Variants in RAB3IP observed in about 807,000 individuals in gnomAD.
The protein encoded by RAB3IP is RAB3A interacting protein.
In RAB3IP, 36 loss-of-function variants were observed where a neutral mutation model predicts 59.1. The observed-to-expected ratio is 0.61, with a 90% confidence interval of 0.47 to 0.80. The LOEUF is 0.80. Among genes scored for constraint, RAB3IP ranks in the 30% least tolerant of loss-of-function variants. The pLI, the probability that RAB3IP is intolerant of heterozygous loss-of-function variation, is 0.00. For missense variants in RAB3IP, 511 were observed against 536.0 expected (o/e 0.95, Z 0.46); for synonymous variants, 207 against 191.2 (o/e 1.08, Z -0.68).
chr12:69,767,450 G>T (rs957366326), intron 3 of RAB3IP, among the ~76,000 whole-genome samples: 1 of 152,228 alleles, frequency 6.6e-6, no homozygotes, highest in African/African-American at 2.4e-5. Context: ...TGGTGAGAAC[G>T]ACTGGGCAAA....
At position 69,755,465 on chromosome 12, in the gene RAB3IP, T is replaced by C. The variant is rs775086944; in HGVS notation, c.57T>C (p.Ser19=). 6.2e-7 allele frequency: 1 copy of C among 1,614,142 alleles called. No homozygotes were observed. The highest frequency in any genetic ancestry group is 8.5e-7 in the Non-Finnish European group (1 of 1,180,010). The change falls in exon 2 of 11, where the codon TCT becomes TCC. Residue 19 remains serine (S), a synonymous_variant. Coordinates refer to ENST00000247833, the MANE Select transcript of RAB3IP (RefSeq NM_022456.5). ...FHEVNLASPT[S]PDLLGVYESG... ...AAGTAAACCTTGCTTCACCTACTTC[T>C]CCGGACCTTCTTGGTGTGTATGAAT...
intron 8 of RAB3IP, among the ~76,000 whole-genome samples, chr12:69,805,558 C>A (rs1466359778): frequency 2.6e-5 from 4 of 151,694 alleles, no homozygotes; most frequent in Non-Finnish European, 5.9e-5. Context: ...TGAGAGAGGG[C>A]ATCCCTGTCT....
chr12:69,813,961 T>C (rs554823681), intron 10 of RAB3IP, among the ~76,000 whole-genome samples: 2 of 152,290 alleles, frequency 1.3e-5, no homozygotes, highest in East Asian at 3.9e-4. Flanking sequence ...AAATCCCATA[T>C]AGTTGGATTT....
intron 1 of RAB3IP, among the ~76,000 whole-genome samples, chr12:69,747,080 C>G (rs1490090253): frequency 2.0e-5 from 3 of 152,036 alleles, no homozygotes; most frequent in Non-Finnish European, 4.4e-5. Context: ...AGCTTTTAAA[C>G]CCAAACTCAA....
chr12:69,791,454 A>G (rs1298321097), intron 4 of RAB3IP, among the ~76,000 whole-genome samples: 1 of 152,182 alleles, frequency 6.6e-6, no homozygotes, highest in Non-Finnish European at 1.5e-5. Context: ...TAATATCCAA[A>G]GTATATAAGG....
At chr12:69,773,238 A>T (rs2136179815) in intron 3 of RAB3IP, among the ~76,000 whole-genome samples, 1 of 151,752 alleles carries the variant, frequency 6.6e-6, no homozygotes, top group East Asian at 1.9e-4. Context: ...CTTGTCTTTG[A>T]TCTTTGAGAG....
intron 3 of RAB3IP, among the ~76,000 whole-genome samples, chr12:69,773,250 T>C (rs1592521006): frequency 6.6e-6 from 1 of 152,212 alleles, no homozygotes; most frequent in East Asian, 1.9e-4. Flanking sequence ...CTTTGAGAGC[T>C]TGATTATAAT....
chr12:69,802,395 A>G (rs998166099), intron 8 of RAB3IP, among the ~76,000 whole-genome samples: 3 of 152,168 alleles, frequency 2.0e-5, no homozygotes, highest in African/African-American at 7.2e-5. Flanking sequence ...AGAATTACAA[A>G]TCTTCAGAGA....
chr12:69,751,392 T>C (rs899717585), intron 1 of RAB3IP, among the ~76,000 whole-genome samples: 1 of 152,244 alleles, frequency 6.6e-6, no homozygotes. Flanking sequence ...CTGTGTTCTT[T>C]TTTTTGGAGG....
chr12:69,739,853 T>A, intron 1 of RAB3IP: 1 of 1,611,918 alleles, frequency 6.2e-7, no homozygotes, highest in African/African-American at 1.4e-5. Context: ...TGTTATGGGA[T>A]TAAAAAAGAT....
At chr12:69,770,550 C>T (rs933756692) in intron 3 of RAB3IP, among the ~76,000 whole-genome samples, 20 of 152,174 alleles carry the variant, frequency 1.3e-4, no homozygotes, top group Non-Finnish European at 4.4e-5. Context: ...CCTGTGTACA[C>T]AGAGGGCCAA....
chr12:69,822,959 T>G lies in RAB3IP; in HGVS notation c.*7513T>G, dbSNP rs1000520057. The G allele has an allele frequency of 6.6e-6, 1 of 152,188 alleles. No homozygotes were observed. The highest frequency in any genetic ancestry group is 6.5e-5 in the Admixed American group (1 of 15,276). The allele number at this position is 152,188 out of a possible 1,614,324, so 9.4% of individuals were successfully genotyped here. A position where few individuals can be genotyped will look rare whatever the true frequency, so the allele number is the denominator to read the frequency against. On this transcript the variant is annotated 3_prime_UTR_variant, in exon 11 of 11. Coordinates refer to ENST00000247833, the MANE Select transcript of RAB3IP (RefSeq NM_022456.5). ...AATATACTTATTGTTTAATATATCC[T>G]GTACCACTGTAGGATGACTGTAGTT... is the stretch of plus-strand genomic sequence containing the variant.
chr12:69,798,469 T>G (rs936662049), intron 6 of RAB3IP, among the ~76,000 whole-genome samples: 6 of 151,656 alleles, frequency 4.0e-5, no homozygotes, highest in African/African-American at 1.5e-4. Context: ...TCCCATTTTG[T>G]AGGTTGCCTG....
intron 3 of RAB3IP, among the ~76,000 whole-genome samples, chr12:69,760,657 A>T (rs1428925691): frequency 2.6e-5 from 4 of 151,434 alleles, no homozygotes; most frequent in African/African-American, 9.7e-5. Context: ...TTTTTGAAAG[A>T]TATTTTCACT....
At chr12:69,797,061 G>A (rs115872445) in intron 6 of RAB3IP, among the ~76,000 whole-genome samples, 4,112 of 152,286 alleles carry the variant, frequency 0.027, 196 homozygotes, top group African/African-American at 0.094. Context: ...TTTGACCTGT[G>A]TAAGTCTTAG....
chr12:69,810,715 GAGTT>G (rs1200982105), intron 8 of RAB3IP, among the ~76,000 whole-genome samples: 2 of 152,160 alleles, frequency 1.3e-5, no homozygotes, highest in South Asian at 2.1e-4. Context: ...AAGGAGAAAG[GAGTT>G]AGAGATATCT....
chr12:69,748,917 T>C (rs1267549696), intron 1 of RAB3IP, among the ~76,000 whole-genome samples: 2 of 152,216 alleles, frequency 1.3e-5, no homozygotes, highest in Non-Finnish European at 2.9e-5. Context: ...TATGGAAATT[T>C]TATGTGCTTG....
intron 8 of RAB3IP, among the ~76,000 whole-genome samples, chr12:69,806,365 C>T (rs1402109778): frequency 1.1e-4 from 17 of 152,112 alleles, no homozygotes; most frequent in Non-Finnish European, 2.2e-4. Context: ...TTTTTTATTG[C>T]ACCTATTTGA....
intron 8 of RAB3IP, among the ~76,000 whole-genome samples, chr12:69,806,069 A>G (rs1356693217): frequency 6.6e-6 from 1 of 152,194 alleles, no homozygotes; most frequent in East Asian, 1.9e-4. Context: ...TTCAGAAGGA[A>G]TGGTACCAGC....
Sources: gnomAD v4.1 joint callset for allele counts (sites outside exome capture counted in the v4.1 genomes callset) on GRCh38, gnomAD v4.1.1 for gene constraint, MANE v1.5 for transcripts, NCBI Gene and HGNC (gene_info 2026-07-23, HGNC 2026-07-21) for gene names.